The following COQ8A variants were observed in gnomAD, a reference collection of about 807,000 sequenced individuals.
COQ8A encodes coenzyme Q8A, also known as atypical kinase COQ8A, mitochondrial.
Under a neutral mutation model 65.0 loss-of-function variants are expected in COQ8A, and 51 were observed. That is an observed-to-expected ratio of 0.78 (90% CI 0.63 to 0.99). COQ8A has a LOEUF of 0.99. Ranked by LOEUF, COQ8A falls within the 50% of genes least tolerant of loss-of-function variation. The pLI is 0.00. For missense variants in COQ8A, 940 were observed against 875.0 expected, an observed-to-expected ratio of 1.07 and a Z score of -0.94; for synonymous variants, 371 against 353.2, an observed-to-expected ratio of 1.05 and a Z score of -0.57.
intron 4 of COQ8A, among the ~76,000 whole-genome samples, chr1:226,966,583 C>T (rs1572049250): frequency 6.6e-6 from 1 of 152,196 alleles, no homozygotes. Context: ...TGGACCCTGA[C>T]CTTGGGTGAG....
rs755933881 is a variant in COQ8A, at chr1:226,982,969, G to A, written c.1015G>A (p.Ala339Thr). ...CTTCGAGGAGCGGCCCTTCGCCGCCGCATCCATTGGGCAGGTGCACTTGGC... is the reference window on the plus strand; with the variant it reads ...CTTCGAGGAGCGGCCCTTCGCCGCCACATCCATTGGGCAGGTGCACTTGGC... ...EYFEERPFAA[A>T]SIGQVHLARM... The change falls in exon 8 of 15, where the codon GCA becomes ACA. Residue 339 changes from alanine to threonine, a missense_variant. Coordinates refer to ENST00000366777, the MANE Select transcript of COQ8A (RefSeq NM_020247.5). 3.1e-6 allele frequency: 5 copies of A among 1,603,236 alleles called. No individual in the cohort carries two copies. The highest frequency in any genetic ancestry group is 4.3e-6 in the Non-Finnish European group (5 of 1,175,422).
chr1:226,983,050 C>G lies in COQ8A; in HGVS notation c.1080+16C>G, dbSNP rs534585974. ...GAAGATCCAGGTAGGCGGCCTGATG[C>G]GCAGTGCCTGTCCCTATGGGGGCTG... is the stretch of plus-strand genomic sequence containing the variant. On this transcript the variant is annotated intron_variant, in intron 8 of 14. Coordinates refer to ENST00000366777, the MANE Select transcript of COQ8A (RefSeq NM_020247.5). The G allele has an allele frequency of 3.8e-6, 6 of 1,573,568 alleles. No individual in the cohort carries two copies. Among genetic ancestry groups the G allele is most frequent in the Non-Finnish European group, 5.2e-6 (6 of 1,160,850 alleles).
chr1:226,987,149 G>T lies in COQ8A; in HGVS notation c.*412G>T. On this transcript the variant is annotated 3_prime_UTR_variant, in exon 15 of 15. Transcript: ENST00000366777. ...TTTATCATCTGTGTAGTAGGTGTGTGTATGTGTTTCTAGAGTGAGATTTGT... is the reference window on the plus strand; with the variant it reads ...TTTATCATCTGTGTAGTAGGTGTGTTTATGTGTTTCTAGAGTGAGATTTGT... The T allele has an allele frequency of 4.3e-6, 1 of 232,290 alleles. No individual in the cohort carries two copies. The highest frequency in any genetic ancestry group is 8.7e-6 in the Non-Finnish European group (1 of 115,226). 14.4% of individuals were successfully genotyped at this position (232,290 alleles called of 1,614,324 possible).
In COQ8A at chr1:226,949,605, C is replaced by T. The variant is rs555149543; in HGVS notation, c.-10+9206C>T. ...ACAGCACTAAATAAACCACACTGGT[C>T]CTCCCCAGCCCAGCCTTCCTCCCAA... On this transcript the variant is annotated intron_variant, in intron 1 of 14. Coordinates refer to ENST00000366777, the MANE Select transcript of COQ8A (RefSeq NM_020247.5). This position sits in a 1 kb window ranked among gnomAD's most constrained non-coding sequence, Gnocchi z 4.0. Among the ~76,000 whole-genome samples the T allele has an allele frequency of 6.6e-6, 1 of 152,268 alleles. No individual in the cohort carries two copies. Among genetic ancestry groups the T allele is most frequent in the African/African-American group, 2.4e-5 (1 of 41,546 alleles).
intron 1 of COQ8A, among the ~76,000 whole-genome samples, chr1:226,953,926 G>A (rs1253374993): frequency 6.6e-6 from 1 of 152,196 alleles, no homozygotes; most frequent in Non-Finnish European, 1.5e-5. Flanking sequence ...GTGAGTCCTT[G>A]GAGGAAACAG....
Position 226,986,968 on chromosome 1 carries a change from T to TGTG in COQ8A, c.*232_*234dup, listed in dbSNP as rs2148144936. On this transcript the variant is annotated 3_prime_UTR_variant, in exon 15 of 15. Transcript: ENST00000366777. ...CCACTGCTCGGTCAGTCTGCCTCCGTGTGTCCTCTGAAATAAGCAGATGAA... is the reference window on the plus strand; with the variant it reads ...CCACTGCTCGGTCAGTCTGCCTCCGTGTGGTGTCCTCTGAAATAAGCAGATGAA... The TGTG allele has an allele frequency of 1.7e-6, 1 of 592,618 alleles. No individual in the cohort carries two copies. The highest frequency in any genetic ancestry group is 1.9e-5 in the African/African-American group (1 of 53,880). 36.7% of individuals were successfully genotyped at this position (592,618 alleles called of 1,614,324 possible). A position where few individuals can be genotyped will look rare whatever the true frequency, so the allele number is the denominator to read the frequency against.
Position 226,965,304 on chromosome 1 carries a change from G to A in COQ8A, c.482G>A (p.Arg161Lys), listed in dbSNP as rs1352757285. ...TTCTCTGCCATGGGCTTTCAGCGAA[G>A]GTTCTTCCACCAGGACCAATCCCCT... ...DSFSAMGFQR[R>K]FFHQDQSPVG... Residue 161 changes from arginine (R) to lysine (K), a missense_variant, in exon 3 of 15, where the codon AGG becomes AAG. Arg to Lys is a conservative substitution (Grantham distance 26). Transcript: ENST00000366777. 1.9e-6 allele frequency: 3 copies of A among 1,613,888 alleles called. No homozygotes were observed. In the South Asian group the frequency reaches 3.3e-5, roughly 18 times the overall value.
intron 4 of COQ8A, among the ~76,000 whole-genome samples, chr1:226,971,389 A>G (rs576660862): frequency 2.0e-5 from 3 of 152,128 alleles, no homozygotes; most frequent in South Asian, 2.1e-4. Flanking sequence ...CATCTCTACT[A>G]AAAGTACAAA....
Position 226,978,589 on chromosome 1 carries a change from A to G in COQ8A, c.730+1066A>G, listed in dbSNP as rs1378943494. On this transcript the variant is annotated intron_variant, in intron 5 of 14. Transcript: ENST00000366777. ...CCACACACCACCTTACACACTCTCC[A>G]CACACTCTACCCTCTACACACCCGC... Among the ~76,000 whole-genome samples the G allele has an allele frequency of 3.6e-5, 2 of 55,824 alleles. 1 individual carries two copies. Among genetic ancestry groups the G allele is most frequent in the Non-Finnish European group, 1.1e-4 (2 of 18,774 alleles). The allele number at this position is 55,824 out of a possible 152,430, so 36.6% of individuals were successfully genotyped here. A position where few individuals can be genotyped will look rare whatever the true frequency, so the allele number is the denominator to read the frequency against.
intron 4 of COQ8A, among the ~76,000 whole-genome samples, chr1:226,968,262 G>T (rs1470089116): frequency 1.3e-5 from 2 of 152,154 alleles, no homozygotes; most frequent in East Asian, 3.9e-4. Flanking sequence ...TTGAGCCCAG[G>T]AGGGAGAGGT....
intron 1 of COQ8A, among the ~76,000 whole-genome samples, chr1:226,945,269 G>T (rs1469619677): frequency 2.6e-5 from 4 of 152,186 alleles, no homozygotes; most frequent in African/African-American, 7.2e-5. Flanking sequence ...TGGCCTTGCT[G>T]TTGGTCCTCC....
chr1:226,961,379 C>A lies in COQ8A; in HGVS notation c.-7C>A. 3 of 1,613,566 alleles carry A rather than the reference C, an allele frequency of 1.9e-6. No individual in the cohort carries two copies. The highest frequency in any genetic ancestry group is 2.5e-6 in the Non-Finnish European group (3 of 1,180,038). ...TGACTTGGCCTCCTCTCTTCCAGCC[C>A]TGAAGGATGGCTGCCATATTGGGAG... On this transcript the variant is annotated splice_region_variant and 5_prime_UTR_variant, in exon 2 of 15. It adds an upstream start codon to the 5' untranslated region. Transcript: ENST00000366777.
chr1:226,945,187 T>C (rs1178201690), intron 1 of COQ8A, among the ~76,000 whole-genome samples: 1 of 152,202 alleles, frequency 6.6e-6, no homozygotes, highest in Non-Finnish European at 1.5e-5. Context: ...GTCGCCTCAC[T>C]TACACATGAG....
At position 226,965,384 on chromosome 1, in the gene COQ8A, C is replaced by A; in HGVS notation, c.562C>A (p.Pro188Thr). 1.9e-6 allele frequency: 3 copies of A among 1,610,814 alleles called. No homozygotes were observed. Among genetic ancestry groups the A allele is most frequent in the Non-Finnish European group, 2.5e-6 (3 of 1,179,356 alleles). Residue 188 changes from proline to threonine, a missense_variant, in exon 3 of 15, where the codon CCC (proline) becomes ACC (threonine). Physicochemically the swap from Pro to Thr is conservative, Grantham distance 38. Coordinates refer to ENST00000366777, the MANE Select transcript of COQ8A (RefSeq NM_020247.5). ...IEKARQAKAR[P>T]ENKQHKQTLS... ...GAAGGCCCGGCAGGCTAAGGCTCGC[C>A]CCGAGAACAAGCAGCACAAACAGAC... is the stretch of plus-strand genomic sequence containing the variant.
At chr1:226,985,462 T>G in intron 14 of COQ8A, 122 bp downstream of exon 14, 2 of 1,119,186 alleles carry the variant, frequency 1.8e-6, no homozygotes, top group Non-Finnish European at 2.7e-6. Flanking sequence ...CGGGCCTCCT[T>G]GGGCACGGTC....
At chr1:226,955,747 T>C (rs1316972947) in intron 1 of COQ8A, among the ~76,000 whole-genome samples, 11 of 87,296 alleles carry the variant, frequency 1.3e-4, no homozygotes, top group South Asian at 4.6e-4. Context: ...CTCTCCCTGG[T>C]TCACACTCTC....
intron 4 of COQ8A, among the ~76,000 whole-genome samples, chr1:226,970,700 A>G (rs1274354900): frequency 6.6e-6 from 1 of 152,218 alleles, no homozygotes; most frequent in Non-Finnish European, 1.5e-5. Flanking sequence ...CTACTTCTCC[A>G]ATGATGCTAA....
intron 1 of COQ8A, among the ~76,000 whole-genome samples, chr1:226,945,796 T>TTAGACAGGGACGGGGGAAGACAGG (rs1657003895): frequency 6.6e-6 from 1 of 152,152 alleles, no homozygotes; most frequent in African/African-American, 2.4e-5. Context: ...GGGACGGGGG[T>TTAGACAGGGACGGGGGAAGACAGG]GACGCAGAGG....
intron 4 of COQ8A, among the ~76,000 whole-genome samples, chr1:226,975,612 T>A (rs1400786668): frequency 6.6e-6 from 1 of 152,222 alleles, no homozygotes; most frequent in Non-Finnish European, 1.5e-5. Flanking sequence ...AAGTAACAAT[T>A]ATATGTGTGG....
Sources: allele counts gnomAD v4.1 joint callset (sites outside exome capture counted in the v4.1 genomes callset), GRCh38; gene constraint gnomAD v4.1.1; non-coding constraint Gnocchi (gnomAD v3.1); transcripts MANE v1.5; gene names NCBI Gene and HGNC (gene_info 2026-07-23, HGNC 2026-07-21).